Variants in CAPZB observed in about 807,000 individuals in gnomAD.
CAPZB encodes capping actin protein of muscle Z-line subunit beta.
Under a neutral mutation model 38.1 loss-of-function variants are expected in CAPZB, and 2 were observed. That is an observed-to-expected ratio of 0.05 (90% CI 0.02 to 0.17). CAPZB has a LOEUF of 0.17. CAPZB is among the 10% of genes least tolerant of loss of function. The probability of loss-of-function intolerance (pLI) is 1.00; values close to 1 mark genes in which losing one functional copy is unlikely to be tolerated. For missense variants in CAPZB, 161 were observed against 334.2 expected, an observed-to-expected ratio of 0.48 and a Z score of 4.04; for synonymous variants, 107 against 127.4, an observed-to-expected ratio of 0.84 and a Z score of 1.08.
chr1:19,425,847 C>A (rs1344494847), intron 1 of CAPZB, among the ~76,000 whole-genome samples: 2 of 152,220 alleles, frequency 1.3e-5, no homozygotes, highest in East Asian at 3.8e-4. Context: ...TGGAAACCAT[C>A]AAGTGAGATG....
At chr1:19,369,321 T>C (rs1164981306) in intron 4 of CAPZB, among the ~76,000 whole-genome samples, 1 of 152,224 alleles carries the variant, frequency 6.6e-6, no homozygotes, top group East Asian at 1.9e-4. Flanking sequence ...ACGAAAGAGC[T>C]GAAACGCACT....
At chr1:19,410,340 C>G (rs1334652384) in intron 2 of CAPZB, among the ~76,000 whole-genome samples, 1 of 152,172 alleles carries the variant, frequency 6.6e-6, no homozygotes, top group African/African-American at 2.4e-5. Flanking sequence ...CTGAACCATC[C>G]CGTTGGTTCT....
At chr1:19,434,525 G>A (rs1040693461) in intron 1 of CAPZB, among the ~76,000 whole-genome samples, 1 of 147,286 alleles carries the variant, frequency 6.8e-6, no homozygotes, top group Non-Finnish European at 1.5e-5. Flanking sequence ...AGGAGTTTGA[G>A]ACCAACCTGA....
At chr1:19,393,659 A>G (rs2094250253) in intron 2 of CAPZB, among the ~76,000 whole-genome samples, 1 of 152,236 alleles carries the variant, frequency 6.6e-6, no homozygotes, top group African/African-American at 2.4e-5. Context: ...GGAAAAAAGA[A>G]TAGAATTGGG....
At position 19,452,754 on chromosome 1, in the gene CAPZB, C is replaced by T. The variant is rs553432881; in HGVS notation, c.3+32682G>A. ...CCTGCCACTGGACCCTCACCACTCCCCTCCAAGCCCCACCTTCGGCAGTCA... is the reference window on the plus strand; with the variant it reads ...CCTGCCACTGGACCCTCACCACTCCTCTCCAAGCCCCACCTTCGGCAGTCA... On this transcript the variant is annotated intron_variant, in intron 1 of 8. Transcript: ENST00000264202. Among the ~76,000 whole-genome samples, 4 of 152,192 alleles carry T rather than the reference C, an allele frequency of 2.6e-5. No individual in the cohort carries two copies. The East Asian group carries it at 5.8e-4, about 22-fold the overall frequency.
chr1:19,400,500 G>A (rs2094297512), intron 2 of CAPZB, among the ~76,000 whole-genome samples: 1 of 152,242 alleles, frequency 6.6e-6, no homozygotes, highest in Non-Finnish European at 1.5e-5. Context: ...CAGGGCCAGT[G>A]CCTGCCAACC....
chr1:19,398,855 C>T (rs995384429), intron 2 of CAPZB, among the ~76,000 whole-genome samples: 1 of 149,182 alleles, frequency 6.7e-6, no homozygotes, highest in East Asian at 2.0e-4. Context: ...CGTGGGATGC[C>T]GAATGCTGAT....
intron 1 of CAPZB, among the ~76,000 whole-genome samples, chr1:19,459,739 A>G (rs561077325): frequency 6.6e-6 from 1 of 152,320 alleles, no homozygotes; most frequent in African/African-American, 2.4e-5. Context: ...TGGTCTGAAA[A>G]TATTAAGTGA....
chr1:19,480,451 G>A (rs929413272), intron 1 of CAPZB, among the ~76,000 whole-genome samples: 1 of 152,202 alleles, frequency 6.6e-6, no homozygotes, highest in African/African-American at 2.4e-5. Flanking sequence ...CAACTGCAGA[G>A]ACCATGTTCT....
intron 1 of CAPZB, among the ~76,000 whole-genome samples, chr1:19,473,604 C>T (rs558203474): frequency 1.3e-5 from 2 of 152,334 alleles, no homozygotes; most frequent in South Asian, 4.1e-4. Context: ...TGGCTCACAC[C>T]TGTAATCCCA....
At chr1:19,398,019 C>T (rs1214694022) in intron 2 of CAPZB, among the ~76,000 whole-genome samples, 2 of 152,158 alleles carry the variant, frequency 1.3e-5, no homozygotes, top group Admixed American at 6.5e-5. Context: ...GGAAATCTCA[C>T]ATGTTCTGTT....
rs775970180 is a variant in CAPZB at position 19,378,638 on chromosome 1, G to A, written c.231C>T (p.Asn77=). 3.1e-6 allele frequency: 5 copies of A among 1,601,482 alleles called. No individual in the cohort carries two copies. The highest frequency in any genetic ancestry group is 1.7e-5 in the Admixed American group (1 of 59,984). The change falls in exon 4 of 9, where the codon AAC becomes AAT. Residue 77 remains asparagine (N), a synonymous_variant. Transcript: ENST00000264202. The part of the protein sequence containing the change: ...DGDSYRSPWS[N]KYDPPLEDGA... ...CATCCTCCAAGGGAGGGTCATACTT[G>A]TTACTCCATGGTGACCTGGAGGGAA...
intron 1 of CAPZB, among the ~76,000 whole-genome samples, chr1:19,431,669 C>T (rs1163433572): frequency 1.3e-5 from 2 of 151,274 alleles, no homozygotes; most frequent in Admixed American, 1.3e-4. Flanking sequence ...TGCAGTGAGC[C>T]GAGATTGCAC....
intron 1 of CAPZB, among the ~76,000 whole-genome samples, chr1:19,454,552 C>G (rs2094527111): frequency 6.6e-6 from 1 of 152,152 alleles, no homozygotes; most frequent in African/African-American, 2.4e-5. Flanking sequence ...CAACAACCCT[C>G]TGAGTCACAC....
At chr1:19,408,866 C>T (rs2094344998) in intron 2 of CAPZB, among the ~76,000 whole-genome samples, 1 of 152,216 alleles carries the variant, frequency 6.6e-6, no homozygotes, top group South Asian at 2.1e-4. Context: ...TTTTCATCTA[C>T]CTTTGTCCCT....
At chr1:19,392,187 TA>T (rs746920918) in intron 2 of CAPZB, among the ~76,000 whole-genome samples, 2,162 of 23,752 alleles carry the variant, frequency 0.091, 49 homozygotes, top group African/African-American at 0.26. Flanking sequence ...TGTCTCAAGG[TA>T]AAAAAAAAAA....
chr1:19,378,839 C>T (rs774075990), intron 3 of CAPZB, among the ~76,000 whole-genome samples, 186 bp from the exon 4 acceptor site: 6 of 152,154 alleles, frequency 3.9e-5, no homozygotes, highest in African/African-American at 7.2e-5. Flanking sequence ...GGCTCTGATG[C>T]GGGCAGACTG....
At chr1:19,471,785 T>C (rs904115230) in intron 1 of CAPZB, among the ~76,000 whole-genome samples, 1 of 143,694 alleles carries the variant, frequency 7.0e-6, no homozygotes, top group African/African-American at 2.6e-5. Flanking sequence ...GAGAATGGCG[T>C]GAACCAGGAG....
chr1:19,483,094 GC>G (rs2094635892), intron 1 of CAPZB, among the ~76,000 whole-genome samples: 1 of 152,130 alleles, frequency 6.6e-6, no homozygotes, highest in Non-Finnish European at 1.5e-5. Flanking sequence ...ACAAATCTCT[GC>G]CCTCCAAGAG....
Sources: allele counts gnomAD v4.1 joint callset (sites outside exome capture counted in the v4.1 genomes callset), GRCh38; gene constraint gnomAD v4.1.1; transcripts MANE v1.5; gene names NCBI Gene and HGNC (gene_info 2026-07-23, HGNC 2026-07-21).